SH3PXD2A: variants seen among roughly 807,000 people sequenced by gnomAD.
The protein encoded by SH3PXD2A is SH3 and PX domains 2A.
Under a neutral mutation model 115.2 loss-of-function variants are expected in SH3PXD2A, and 32 were observed. The ratio of observed to expected loss-of-function variants is 0.28; its 90% CI spans 0.21 to 0.37. SH3PXD2A has a LOEUF of 0.37. Ranked by LOEUF, SH3PXD2A falls within the 10% of genes least tolerant of loss-of-function variation. SH3PXD2A has a pLI of 1.00. For missense variants in SH3PXD2A, 1,328 were observed against 1,498.7 expected (o/e 0.89, Z 1.88); for synonymous variants, 610 against 629.1 (o/e 0.97, Z 0.45).
intron 13 of SH3PXD2A, among the ~76,000 whole-genome samples, chr10:103,606,764 C>T (rs1055432210): frequency 7.2e-5 from 11 of 152,354 alleles, no homozygotes; most frequent in African/African-American, 1.9e-4. Flanking sequence ...CCCGAGGTGC[C>T]GGGATTGCAG....
At chr10:103,750,168 C>T (rs1166172894) in intron 3 of SH3PXD2A, among the ~76,000 whole-genome samples, 1 of 152,230 alleles carries the variant, frequency 6.6e-6, no homozygotes, top group Non-Finnish European at 1.5e-5. Flanking sequence ...CCTCCCACCT[C>T]AGCCTCCCAA....
intron 3 of SH3PXD2A, among the ~76,000 whole-genome samples, chr10:103,759,766 C>T (rs1189036113): frequency 2.0e-5 from 3 of 152,212 alleles, no homozygotes; most frequent in African/African-American, 7.2e-5. Flanking sequence ...GATGGATTTT[C>T]CACAGTCATC....
intron 13 of SH3PXD2A, among the ~76,000 whole-genome samples, chr10:103,608,159 A>AAAAAAAAAAGTTTACAAAAAAAAAT (rs2036359622): frequency 6.9e-6 from 1 of 145,148 alleles, no homozygotes. Context: ...TTAAAAAAAA[A>AAAAAAAAAAGTTTACAAAAAAAAAT]AAAAAAAAAA....
intron 2 of SH3PXD2A, among the ~76,000 whole-genome samples, chr10:103,776,089 C>CA (rs1054207950): frequency 5.3e-5 from 8 of 152,214 alleles, no homozygotes; most frequent in African/African-American, 1.9e-4. Context: ...TCTCTGTCTT[C>CA]AAATCATAAG....
intron 4 of SH3PXD2A, among the ~76,000 whole-genome samples, chr10:103,731,023 G>A (rs943632380): frequency 2.0e-5 from 3 of 152,268 alleles, no homozygotes; most frequent in African/African-American, 2.4e-5. Flanking sequence ...TGTGTCTGCC[G>A]GACTGGACTG....
rs568428552 is a variant in SH3PXD2A, at chr10:103,700,375, G to A, written c.399-7319C>T. Among the ~76,000 whole-genome samples the A allele has an allele frequency of 3.9e-5, 6 of 152,370 alleles. No individual in the cohort carries two copies. The South Asian group carries it at 6.2e-4, about 16-fold the overall frequency. On this transcript the variant is annotated intron_variant, in intron 5 of 14. Coordinates refer to ENST00000369774, the MANE Select transcript of SH3PXD2A (RefSeq NM_001394015.1). ...GGCATCTGGCCCATGGAAAGGACCC[G>A]TAGCCCAATAGCCTGGGTTCACAGG...
At chr10:103,845,123 A>C (rs1460197918) in intron 1 of SH3PXD2A, among the ~76,000 whole-genome samples, 1 of 151,972 alleles carries the variant, frequency 6.6e-6, no homozygotes, top group Non-Finnish European at 1.5e-5. Context: ...CAGGAGTTCG[A>C]GATCAGCCTG....
chr10:103,800,338 CA>C (rs1196297071), intron 2 of SH3PXD2A, among the ~76,000 whole-genome samples: 1 of 152,194 alleles, frequency 6.6e-6, no homozygotes, highest in Non-Finnish European at 1.5e-5. Flanking sequence ...CCAGACCAAT[CA>C]AAATCGTCCC....
At chr10:103,855,163 C>A (rs1302011541) in intron 1 of SH3PXD2A, 32 bp downstream of exon 1, 1 of 1,498,460 alleles carries the variant, frequency 6.7e-7, no homozygotes, top group African/African-American at 1.4e-5. Flanking sequence ...CCTCGGGCCA[C>A]CCCCAGCAGG....
chr10:103,615,166 C>G (rs187966052), intron 11 of SH3PXD2A, among the ~76,000 whole-genome samples: 5 of 152,344 alleles, frequency 3.3e-5, no homozygotes, highest in Admixed American at 1.3e-4. Flanking sequence ...GAGCCTGGTG[C>G]TCTTGCATCT....
intron 1 of SH3PXD2A, among the ~76,000 whole-genome samples, chr10:103,843,715 G>T (rs896912347): frequency 4.6e-5 from 7 of 152,198 alleles, no homozygotes; most frequent in African/African-American, 1.4e-4. Context: ...CAGGACCTAT[G>T]TGACGAGCTC....
intron 8 of SH3PXD2A, among the ~76,000 whole-genome samples, chr10:103,633,727 C>CAA (rs35917262): frequency 1.4e-3 from 106 of 74,208 alleles, no homozygotes; most frequent in Middle Eastern, 8.8e-3. Context: ...GATTCTGTCT[C>CAA]AAAAAAAAAA....
chr10:103,806,153 A>G (rs2039200109), intron 1 of SH3PXD2A, among the ~76,000 whole-genome samples: 1 of 152,142 alleles, frequency 6.6e-6, no homozygotes, highest in Admixed American at 6.5e-5. Context: ...TGGGGAAGCG[A>G]GCCCCCATTC....
chr10:103,595,894 A>T lies in SH3PXD2A; in HGVS notation c.*5922T>A, dbSNP rs1411360898. The T allele has an allele frequency of 2.0e-5, 3 of 152,634 alleles. No individual in the cohort carries two copies. 9.5% of individuals were successfully genotyped at this position (152,634 alleles called of 1,614,324 possible). ...GACCCAGGTTTGCAGGAGGGAAGTT[A>T]ACAGTGGGGCTGTTTTTCCCCAAAG... On this transcript the variant is annotated 3_prime_UTR_variant, in exon 15 of 15. Coordinates refer to ENST00000369774, the MANE Select transcript of SH3PXD2A (RefSeq NM_001394015.1).
chr10:103,809,832 G>C (rs2039248810), intron 1 of SH3PXD2A, among the ~76,000 whole-genome samples: 1 of 148,988 alleles, frequency 6.7e-6, no homozygotes, highest in Non-Finnish European at 1.5e-5. Context: ...TTACAGGCGT[G>C]TGTCACCACA....
intron 3 of SH3PXD2A, among the ~76,000 whole-genome samples, chr10:103,760,086 A>C (rs1589444280): frequency 6.6e-6 from 1 of 152,240 alleles, no homozygotes; most frequent in Non-Finnish European, 1.5e-5. Flanking sequence ...GCAGGTTTGC[A>C]TATAGTCTTG....
rs78266945 is a variant in SH3PXD2A, at chr10:103,709,224, C to T, written c.398+15046G>A. 1.0e-3 allele frequency among the ~76,000 whole-genome samples: 152 copies of T among 152,236 alleles called. 3 individuals are homozygous for T. In the East Asian group the frequency reaches 0.028, roughly 28 times the overall value. On this transcript the variant is annotated intron_variant, in intron 5 of 14. Transcript: ENST00000369774. ...CCGCACCAGGGATGCTCCAAATGCTCCAAGCCTGGGGTTGCTCTTGAAATC... is the reference window on the plus strand; with the variant it reads ...CCGCACCAGGGATGCTCCAAATGCTTCAAGCCTGGGGTTGCTCTTGAAATC...
chr10:103,629,939 C>T (rs2036753895), intron 8 of SH3PXD2A, among the ~76,000 whole-genome samples: 1 of 152,228 alleles, frequency 6.6e-6, no homozygotes, highest in Admixed American at 6.5e-5. Context: ...TTGCCCTGGG[C>T]CTGGAGTGGA....
intron 5 of SH3PXD2A, among the ~76,000 whole-genome samples, chr10:103,702,743 G>C (rs987962152): frequency 1.3e-5 from 2 of 152,312 alleles, no homozygotes; most frequent in South Asian, 4.2e-4. Flanking sequence ...CCCAGCGGCA[G>C]TATTCCTAAA....
Sources: gnomAD v4.1 joint callset for allele counts (sites outside exome capture counted in the v4.1 genomes callset) on GRCh38, gnomAD v4.1.1 for gene constraint, MANE v1.5 for transcripts, NCBI Gene and HGNC (gene_info 2026-07-23, HGNC 2026-07-21) for gene names.